FRMPD3: variants seen among roughly 807,000 people sequenced by gnomAD.
FRMPD3 encodes FERM and PDZ domain-containing protein 3.
FRMPD3 carries 42 observed loss-of-function variants against 97.9 expected under a neutral mutation model. The observed-to-expected ratio is 0.43, with a 90% CI of 0.34 to 0.55. The LOEUF is 0.55. FRMPD3 is among the 20% of genes least tolerant of loss of function. The pLI is 0.03. For missense variants in FRMPD3, 1,303 were observed against 1,457.7 expected, an observed-to-expected ratio of 0.89 and a Z score of 1.73; for synonymous variants, 577 against 581.1, an observed-to-expected ratio of 0.99 and a Z score of 0.10.
chrX:107,574,198 C>G (rs1448589204), intron 12 of FRMPD3, among the ~76,000 whole-genome samples: 2 of 111,059 alleles, frequency 1.8e-5, no homozygotes, highest in Non-Finnish European at 3.8e-5. Context: ...AATCCCAGCA[C>G]TTTGGGAGGC....
At chrX:107,565,416 C>T (rs1321734660) in intron 12 of FRMPD3, among the ~76,000 whole-genome samples, 2 of 111,741 alleles carry the variant, frequency 1.8e-5, no homozygotes, top group Non-Finnish European at 3.8e-5. Flanking sequence ...ATTCACAGGC[C>T]GGCATGGTGG....
chrX:107,553,225 C>G (rs1921938820), intron 7 of FRMPD3, among the ~76,000 whole-genome samples: 1 of 109,011 alleles, frequency 9.2e-6, no homozygotes, highest in Non-Finnish European at 1.9e-5. Flanking sequence ...CTCCTGGAAA[C>G]CCCACATGAT....
At chrX:107,468,455 C>A (rs1195286874) in intron 1 of FRMPD3, among the ~76,000 whole-genome samples, 2 of 111,977 alleles carry the variant, frequency 1.8e-5, no homozygotes, top group Non-Finnish European at 3.8e-5. Flanking sequence ...GCATGTGTTT[C>A]AATAGGGACA....
At chrX:107,594,608 G>A (rs1222978979) in intron 13 of FRMPD3, among the ~76,000 whole-genome samples, 3 of 112,392 alleles carry the variant, frequency 2.7e-5, no homozygotes, top group Middle Eastern at 4.6e-3. Context: ...TAGGCCGGGC[G>A]CGGTGGCTCA....
At chrX:107,471,751 C>T (rs1286334737) in intron 1 of FRMPD3, among the ~76,000 whole-genome samples, 6 of 112,121 alleles carry the variant, frequency 5.4e-5, no homozygotes. Context: ...AATAGTGCTG[C>T]AATAAACATA....
At chrX:107,544,806 A>C (rs1277120935) in intron 4 of FRMPD3, 2 of 111,643 alleles carry the variant, frequency 1.8e-5, no homozygotes, top group African/African-American at 6.5e-5. Flanking sequence ...CTAAAAAGCC[A>C]GCCAGGCATG....
At chrX:107,572,330 G>T (rs1165521464) in intron 12 of FRMPD3, among the ~76,000 whole-genome samples, 1 of 112,052 alleles carries the variant, frequency 8.9e-6, no homozygotes, top group Non-Finnish European at 1.9e-5. Context: ...TGGGAGGGGA[G>T]CACCAGTGGA....
At position 107,560,707 on chromosome X, in the gene FRMPD3, T is replaced by C. The variant is rs1468794825; in HGVS notation, c.900-20T>C. On this transcript the variant is annotated intron_variant, in intron 9 of 14. Coordinates refer to ENST00000683843, the MANE Select transcript of FRMPD3 (RefSeq NM_001388459.1). ...CACTTTGCCTCTCTCACTAATCTCT[T>C]ACTTTTCTTCTGCTTTTAGGAAGGA... 8.6e-7 allele frequency: 1 copy of C among 1,157,801 alleles called. No individual in the cohort carries two copies. Among genetic ancestry groups the C allele is most frequent in the Admixed American group, 2.7e-5 (1 of 37,479 alleles).
intron 12 of FRMPD3, among the ~76,000 whole-genome samples, chrX:107,571,432 C>T (rs1218307376): frequency 4.5e-5 from 5 of 112,056 alleles, no homozygotes; most frequent in African/African-American, 1.6e-4. Context: ...CCTTTTACTG[C>T]GAGCTGCATT....
At chrX:107,531,312 C>T (rs952541119) in intron 3 of FRMPD3, among the ~76,000 whole-genome samples, 3 of 109,900 alleles carry the variant, frequency 2.7e-5, no homozygotes, top group Non-Finnish European at 3.8e-5. Context: ...TGTACATGCT[C>T]GCTCTTTCTC....
intron 7 of FRMPD3, among the ~76,000 whole-genome samples, chrX:107,553,917 G>T (rs1415290139): frequency 8.9e-6 from 1 of 111,965 alleles, no homozygotes; most frequent in African/African-American, 3.2e-5. Flanking sequence ...CCATTCCCAG[G>T]TTCAACAATT....
intron 4 of FRMPD3, among the ~76,000 whole-genome samples, chrX:107,539,074 A>G (rs1921163283): frequency 8.9e-6 from 1 of 112,444 alleles, no homozygotes; most frequent in Non-Finnish European, 1.9e-5. Context: ...AAAAGAAAAC[A>G]TGAAAATATT....
chrX:107,600,655 A>C lies in FRMPD3; in HGVS notation c.2616A>C (p.Thr872=), dbSNP rs753441790. Residue 872 remains threonine, a synonymous_variant, in exon 15 of 15, where the codon ACA becomes ACC. Coordinates refer to ENST00000683843, the MANE Select transcript of FRMPD3 (RefSeq NM_001388459.1). ...QSEGQVQGER[T]YSLAVHPALS... ...AGGGCCAGGTACAGGGAGAACGAAC[A>C]TACTCCTTGGCAGTGCACCCAGCAC... The C allele has an allele frequency of 1.2e-5, 15 of 1,204,639 alleles. No individual in the cohort carries two copies. The highest frequency in any genetic ancestry group is 1.7e-5 in the Non-Finnish European group (15 of 892,758).
chrX:107,589,622 G>A lies in FRMPD3; in HGVS notation c.1442-7699G>A, dbSNP rs754924225. ...CACATGCTTATGGTTCTTTTCCATG[G>A]GAAACTTGATTGCCGCTGTTTCTAG... On this transcript the variant is annotated intron_variant, in intron 13 of 14. Transcript: ENST00000683843. Among the ~76,000 whole-genome samples the A allele has an allele frequency of 9.7e-4, 108 of 111,545 alleles. 2 individuals carry two copies. The highest frequency in any genetic ancestry group is 1.7e-3 in the Admixed American group (18 of 10,467).
At chrX:107,583,774 C>T (rs905631430) in intron 13 of FRMPD3, among the ~76,000 whole-genome samples, 2 of 111,331 alleles carry the variant, frequency 1.8e-5, no homozygotes, top group African/African-American at 6.5e-5. Flanking sequence ...TTTTAATAAT[C>T]GCCATTCTGA....
chrX:107,592,092 G>C (rs1924217), intron 13 of FRMPD3, among the ~76,000 whole-genome samples: 9 of 105,068 alleles, frequency 8.6e-5, no homozygotes, highest in South Asian at 9.4e-4. Context: ...ACCCCCTCCC[G>C]CCCTTCCCCG....
chrX:107,482,199 C>T (rs919106544), intron 1 of FRMPD3, among the ~76,000 whole-genome samples: 2 of 111,449 alleles, frequency 1.8e-5, no homozygotes, highest in Admixed American at 9.5e-5. Flanking sequence ...CCCGGTCTTC[C>T]CACAGCAAGG....
intron 1 of FRMPD3, among the ~76,000 whole-genome samples, chrX:107,472,471 A>G (rs779243874): frequency 2.7e-5 from 3 of 110,778 alleles, no homozygotes; most frequent in Non-Finnish European, 5.7e-5. Context: ...TAATTTTTGT[A>G]TAAGGGCCAA....
chrX:107,450,109 G>A (rs1931252295), intron 1 of FRMPD3, among the ~76,000 whole-genome samples, 104 bp downstream of exon 1: 2 of 110,615 alleles, frequency 1.8e-5, no homozygotes, highest in Non-Finnish European at 3.8e-5. Flanking sequence ...GGGGGCGACT[G>A]GCGCTTGGGC....
Sources: gnomAD v4.1 joint callset for allele counts (sites outside exome capture counted in the v4.1 genomes callset) on GRCh38, gnomAD v4.1.1 for gene constraint, MANE v1.5 for transcripts, NCBI Gene and HGNC (gene_info 2026-07-23, HGNC 2026-07-21) for gene names.